The following IQGAP2 variants were observed in gnomAD, a reference collection of about 807,000 sequenced individuals.
The protein encoded by IQGAP2 is ras GTPase-activating-like protein IQGAP2.
In IQGAP2, 173 loss-of-function variants were observed where a neutral mutation model predicts 201.3. That is an observed-to-expected ratio of 0.86 (90% CI 0.76 to 0.98). The LOEUF (loss-of-function observed/expected upper bound fraction) is 0.98, where lower values mean the gene tolerates loss of function less well. Ranked by LOEUF, IQGAP2 falls within the 50% of genes least tolerant of loss-of-function variation. The probability of loss-of-function intolerance (pLI) is 0.00; values close to 1 mark genes in which losing one functional copy is unlikely to be tolerated. For missense variants in IQGAP2, 1,687 were observed against 1,864.8 expected, an observed-to-expected ratio of 0.90 and a Z score of 1.76; for synonymous variants, 675 against 673.9, an observed-to-expected ratio of 1.00 and a Z score of -0.03.
chr5:76,694,799 G>C (rs1459299948), intron 31 of IQGAP2, among the ~76,000 whole-genome samples: 1 of 152,200 alleles, frequency 6.6e-6, no homozygotes, highest in Non-Finnish European at 1.5e-5. Context: ...ACAATGAAAT[G>C]GGAAGACCAA....
chr5:76,415,132 G>A (rs79824446), intron 1 of IQGAP2, among the ~76,000 whole-genome samples: 104 of 152,260 alleles, frequency 6.8e-4, no homozygotes, highest in Middle Eastern at 3.4e-3. Flanking sequence ...GTGGGAATGC[G>A]ATTTGAAATA....
chr5:76,503,677 C>T (rs937372863), intron 2 of IQGAP2, among the ~76,000 whole-genome samples: 14 of 151,924 alleles, frequency 9.2e-5, no homozygotes, highest in African/African-American at 2.9e-4. Flanking sequence ...CTGCAATCTC[C>T]GCCTCTTGGG....
chr5:76,408,295 T>G (rs563168299), intron 1 of IQGAP2, among the ~76,000 whole-genome samples: 1 of 152,308 alleles, frequency 6.6e-6, no homozygotes, highest in African/African-American at 2.4e-5. Flanking sequence ...CAGTTTAATA[T>G]GGGATATGGA....
At chr5:76,463,792 G>A in intron 2 of IQGAP2, among the ~76,000 whole-genome samples, 1 of 151,806 alleles carries the variant, frequency 6.6e-6, no homozygotes, top group Non-Finnish European at 1.5e-5. Context: ...TATATTAGAT[G>A]TAGTATATAT....
At chr5:76,673,421 A>G (rs1744526092) in intron 24 of IQGAP2, 28 bp from the exon 25 acceptor site, 1 of 1,604,660 alleles carries the variant, frequency 6.2e-7, no homozygotes, top group Admixed American at 1.7e-5. Context: ...CTAAGCCTCC[A>G]GTTAATTTAA....
chr5:76,542,675 G>A (rs1344072473), intron 2 of IQGAP2, among the ~76,000 whole-genome samples: 1 of 152,294 alleles, frequency 6.6e-6, no homozygotes, highest in East Asian at 1.9e-4. Flanking sequence ...TTGAGGGACA[G>A]GTCTTATCAA....
chr5:76,609,360 A>C, intron 12 of IQGAP2: 1 of 803,538 alleles, frequency 1.2e-6, no homozygotes, highest in Non-Finnish European at 1.9e-6. Flanking sequence ...GACTTTCCAG[A>C]GTTCTGTCAA....
chr5:76,673,483 C>A lies in IQGAP2; in HGVS notation c.3103C>A (p.Leu1035Ile). ...LPYDVTTEQA[L>I]TYPEVKNKLE... ...TTATGATGTGACCACAGAACAAGCT[C>A]TAACATACCCAGAAGTGAAAAATAA... is the stretch of plus-strand genomic sequence containing the variant. Residue 1035 changes from leucine (L) to isoleucine (I), a missense_variant, in exon 25 of 36, where the codon CTA becomes ATA. Transcript: ENST00000274364. The A allele has an allele frequency of 6.2e-7, 1 of 1,614,054 alleles. No individual in the cohort carries two copies. Among genetic ancestry groups the A allele is most frequent in the Non-Finnish European group, 8.5e-7 (1 of 1,179,952 alleles).
At chr5:76,463,072 G>A (rs1223478763) in intron 2 of IQGAP2, among the ~76,000 whole-genome samples, 1 of 143,038 alleles carries the variant, frequency 7.0e-6, no homozygotes, top group Non-Finnish European at 1.5e-5. Flanking sequence ...GCAGTGAGCT[G>A]AGATCGGGCT....
intron 2 of IQGAP2, among the ~76,000 whole-genome samples, chr5:76,504,176 G>A (rs1757461153): frequency 6.6e-6 from 1 of 152,148 alleles, no homozygotes; most frequent in Admixed American, 6.5e-5. Context: ...AGGGATCAGT[G>A]AGCGTGTTCC....
chr5:76,640,918 AAT>A lies in IQGAP2; in HGVS notation c.1924-12_1924-11del. 6.4e-7 allele frequency: 1 copy of A among 1,561,586 alleles called. No individual in the cohort carries two copies. Among genetic ancestry groups the A allele is most frequent in the East Asian group, 2.3e-5 (1 of 43,734 alleles). ...TGATGTGTGAAGTGTAACCATAAGA[AAT>A]ATCTCTTGCCAGGACATTATTGAGG... On this transcript the variant is annotated splice_polypyrimidine_tract_variant and intron_variant, in intron 16 of 35. Transcript: ENST00000274364.
At chr5:76,538,617 A>G (rs928989016) in intron 2 of IQGAP2, among the ~76,000 whole-genome samples, 2 of 152,206 alleles carry the variant, frequency 1.3e-5, no homozygotes, top group African/African-American at 4.8e-5. Context: ...AGTCTCACTC[A>G]ATTCATTGGG....
At chr5:76,603,269 C>T (rs1299246952) in intron 11 of IQGAP2, among the ~76,000 whole-genome samples, 1 of 152,174 alleles carries the variant, frequency 6.6e-6, no homozygotes, top group African/African-American at 2.4e-5. Context: ...GCCTACCATA[C>T]ATTATGTTCT....
intron 2 of IQGAP2, among the ~76,000 whole-genome samples, chr5:76,496,597 T>TG (rs1756901899): frequency 6.6e-6 from 1 of 152,162 alleles, no homozygotes. Flanking sequence ...TGAACATTGT[T>TG]GGGGGATCAT....
chr5:76,577,386 T>G (rs1745542153), intron 5 of IQGAP2, among the ~76,000 whole-genome samples: 2 of 152,214 alleles, frequency 1.3e-5, no homozygotes, highest in African/African-American at 4.8e-5. Context: ...AATATTGATG[T>G]GATATTTTCC....
chr5:76,628,101 TG>T (rs1750403762), intron 14 of IQGAP2, among the ~76,000 whole-genome samples: 2 of 152,206 alleles, frequency 1.3e-5, no homozygotes, highest in South Asian at 4.1e-4. Flanking sequence ...CCAGGCCCCT[TG>T]AGGAAAAACT....
intron 2 of IQGAP2, among the ~76,000 whole-genome samples, chr5:76,469,864 G>A (rs996516460): frequency 2.6e-5 from 4 of 152,106 alleles, no homozygotes; most frequent in Admixed American, 2.6e-4. Context: ...AGAGGCAAAG[G>A]ATGTCTTGTA....
At chr5:76,706,455 T>C (rs1310919261) in intron 35 of IQGAP2, among the ~76,000 whole-genome samples, 3 of 152,108 alleles carry the variant, frequency 2.0e-5, no homozygotes, top group African/African-American at 7.2e-5. Flanking sequence ...TCAAGTGATT[T>C]TCCTGCCTCA....
At chr5:76,489,747 G>A (rs550734740) in intron 2 of IQGAP2, among the ~76,000 whole-genome samples, 9 of 152,300 alleles carry the variant, frequency 5.9e-5, no homozygotes, top group East Asian at 3.9e-4. Context: ...GATTACAGGC[G>A]TGAGTCACCA....
Sources: allele counts gnomAD v4.1 joint callset (sites outside exome capture counted in the v4.1 genomes callset), GRCh38; gene constraint gnomAD v4.1.1; transcripts MANE v1.5; gene names NCBI Gene and HGNC (gene_info 2026-07-23, HGNC 2026-07-21).